Variants in SLC6A17 observed in about 807,000 individuals in gnomAD.
The protein encoded by SLC6A17 is solute carrier family 6 member 17.
In SLC6A17, 21 loss-of-function variants were observed where a neutral mutation model predicts 64.5. The observed-to-expected ratio is 0.33, with a 90% CI of 0.23 to 0.47. The LOEUF is 0.47. Ranked by LOEUF, SLC6A17 falls within the 20% of genes least tolerant of loss-of-function variation. The pLI is 1.00. For missense variants in SLC6A17, 682 were observed against 963.2 expected, an observed-to-expected ratio of 0.71 and a Z score of 3.86; for synonymous variants, 372 against 399.5, an observed-to-expected ratio of 0.93 and a Z score of 0.82.
At chr1:110,155,237 A>G (rs995918625) in intron 1 of SLC6A17, among the ~76,000 whole-genome samples, 2 of 152,170 alleles carry the variant, frequency 1.3e-5, no homozygotes, top group African/African-American at 4.8e-5. Flanking sequence ...TTTTGTGGAG[A>G]TAAGTCCTTT....
intron 5 of SLC6A17, 39 bp downstream of exon 5, chr1:110,174,999 A>G (rs754886223): frequency 3.1e-6 from 5 of 1,594,574 alleles, no homozygotes; most frequent in African/African-American, 1.3e-5. Context: ...CAAATGGGGA[A>G]CAGCAGAAAG....
chr1:110,185,337 A>T (rs1257112204), intron 6 of SLC6A17, among the ~76,000 whole-genome samples: 1 of 152,224 alleles, frequency 6.6e-6, no homozygotes, highest in Non-Finnish European at 1.5e-5. Flanking sequence ...GTTCTTGGGC[A>T]GCGGGAGCCC....
At chr1:110,193,472 C>A (rs942126119) in intron 8 of SLC6A17, among the ~76,000 whole-genome samples, 14 of 152,246 alleles carry the variant, frequency 9.2e-5, no homozygotes, top group African/African-American at 3.4e-4. Context: ...GGGACATACC[C>A]ACAGCATCTT....
In SLC6A17 at chr1:110,162,990, C is replaced by A. The variant is rs544129688; in HGVS notation, c.-87-3853C>A. On this transcript the variant is annotated intron_variant, in intron 1 of 11. Transcript: ENST00000331565. Reference sequence around the variant, plus strand: ...GGGTTGGAACCCAGGCCATCTTACTCCTGAGCAGGATCACCAACCCATGTT... The same window carrying A: ...GGGTTGGAACCCAGGCCATCTTACTACTGAGCAGGATCACCAACCCATGTT... 1.1e-4 allele frequency among the ~76,000 whole-genome samples: 16 copies of A among 145,210 alleles called. No homozygotes were observed. In the South Asian group the frequency reaches 3.5e-3, roughly 32 times the overall value.
At chr1:110,195,330 C>T (rs967372735) in intron 9 of SLC6A17, among the ~76,000 whole-genome samples, 7 of 152,246 alleles carry the variant, frequency 4.6e-5, no homozygotes, top group African/African-American at 1.7e-4. Flanking sequence ...CTGCCACGGG[C>T]CAGGCCCTGT....
At chr1:110,197,220 G>GTCCATCAC (rs1656992796) in intron 10 of SLC6A17, among the ~76,000 whole-genome samples, 1 of 152,194 alleles carries the variant, frequency 6.6e-6, no homozygotes, top group Non-Finnish European at 1.5e-5. Context: ...CTCTGGATGG[G>GTCCATCAC]GTATGATGTG....
intron 9 of SLC6A17, chr1:110,195,026 C>T (rs1269345811): frequency 5.5e-6 from 3 of 541,482 alleles, no homozygotes; most frequent in Non-Finnish European, 6.6e-6. Context: ...TCACTTGCCC[C>T]TCTCCCCAAG....
chr1:110,167,121 C>A lies in SLC6A17; in HGVS notation c.192C>A (p.Asn64Lys). ...ELDAEDRPAW[N>K]SKLQYILAQI... ...ATGCAGAGGACCGGCCGGCCTGGAA[C>A]AGTAAGCTGCAGTACATCCTGGCCC... The change falls in exon 2 of 12, where the codon AAC becomes AAA. Residue 64 changes from asparagine to lysine, a missense_variant. Physicochemically the swap from Asn to Lys is moderately conservative, Grantham distance 94 (BLOSUM62 0). Around this residue, in one of 3 missense-constraint regions of SLC6A17, gnomAD observed 415 missense variants for 603.8 expected, o/e 0.69. Coordinates refer to ENST00000331565, the MANE Select transcript of SLC6A17 (RefSeq NM_001010898.4). The A allele has an allele frequency of 6.2e-7, 1 of 1,613,352 alleles. No homozygotes were observed. The highest frequency in any genetic ancestry group is 1.1e-5 in the South Asian group (1 of 90,976).
chr1:110,197,063 G>A (rs1656988060), intron 10 of SLC6A17, among the ~76,000 whole-genome samples: 1 of 152,198 alleles, frequency 6.6e-6, no homozygotes, highest in South Asian at 2.1e-4. Flanking sequence ...GGACTCTAGA[G>A]AAGTGCACTT....
chr1:110,152,480 T>G (rs1655636684), intron 1 of SLC6A17, among the ~76,000 whole-genome samples: 1 of 152,200 alleles, frequency 6.6e-6, no homozygotes, highest in Non-Finnish European at 1.5e-5. Flanking sequence ...AGGAATGGCC[T>G]GAGCCCAAGT....
At chr1:110,174,686 C>G in intron 4 of SLC6A17, 93 bp from the exon 5 acceptor site, 1 of 1,491,366 alleles carries the variant, frequency 6.7e-7, no homozygotes. Flanking sequence ...CAGCAGCTCC[C>G]TCACCCACTG....
chr1:110,182,423 G>T (rs560627218), intron 6 of SLC6A17, among the ~76,000 whole-genome samples: 2 of 152,254 alleles, frequency 1.3e-5, no homozygotes, highest in East Asian at 3.9e-4. Context: ...TGGATGTATG[G>T]ATCTAGAGGT....
intron 1 of SLC6A17, among the ~76,000 whole-genome samples, chr1:110,158,524 G>T (rs1197406449): frequency 6.6e-6 from 1 of 152,228 alleles, no homozygotes; most frequent in Non-Finnish European, 1.5e-5. Context: ...TTGATGGCAT[G>T]CCCCTGAGGG....
At chr1:110,195,908 A>ATGTTT (rs1656955364) in intron 10 of SLC6A17, among the ~76,000 whole-genome samples, 163 bp downstream of exon 10, 1 of 152,150 alleles carries the variant, frequency 6.6e-6, no homozygotes, top group Non-Finnish European at 1.5e-5. Context: ...GCCTAAGGCC[A>ATGTTT]CTTGTCCAGG....
At chr1:110,168,407 C>T (rs1362187420) in intron 2 of SLC6A17, among the ~76,000 whole-genome samples, 3 of 152,206 alleles carry the variant, frequency 2.0e-5, no homozygotes, top group Non-Finnish European at 4.4e-5. Flanking sequence ...TTTTGAAGGG[C>T]AGGGAGTGAG....
In SLC6A17 at chr1:110,189,286, A is replaced by G. The variant is rs72984731; in HGVS notation, c.865-2686A>G. ...CTAATGTCCTGATCCTCCCTGCCCA[A>G]CACCATCAACCTGTTCCTCTCCCAC... is the stretch of plus-strand genomic sequence containing the variant. On this transcript the variant is annotated intron_variant, in intron 6 of 11. Coordinates refer to ENST00000331565, the MANE Select transcript of SLC6A17 (RefSeq NM_001010898.4). Among the ~76,000 whole-genome samples, 1,317 of 152,244 alleles carry G rather than the reference A, an allele frequency of 8.7e-3. 22 individuals carry two copies. Among genetic ancestry groups the G allele is most frequent in the African/African-American group, 0.03 (1,257 of 41,518 alleles).
In SLC6A17 at chr1:110,174,879, C is replaced by T. The variant is rs1392362352; in HGVS notation, c.672C>T (p.Asn224=). ...SDSISESGGL[N]WKMTLCLLVA... is the part of the protein sequence containing the mutation. ...CCATCTCGGAGAGTGGGGGCCTCAA[C>T]TGGAAGATGACCCTGTGCCTCCTCG... Residue 224 remains asparagine (N), a synonymous_variant, in exon 5 of 12, where the codon AAC becomes AAT. Transcript: ENST00000331565. 15 of 1,614,220 alleles carry T rather than the reference C, an allele frequency of 9.3e-6. No individual in the cohort carries two copies. The highest frequency in any genetic ancestry group is 1.1e-5 in the Non-Finnish European group (13 of 1,180,040).
chr1:110,164,284 G>A (rs1325477081), intron 1 of SLC6A17, among the ~76,000 whole-genome samples: 1 of 152,132 alleles, frequency 6.6e-6, no homozygotes, highest in Non-Finnish European at 1.5e-5. Context: ...TCTTCTCCCT[G>A]TGTCCCCCAC....
chr1:110,192,822 G>T lies in SLC6A17; in HGVS notation c.1299+124G>T. ...GTCATTAGTTTACTTGGTAAGCAAG[G>T]ATCTGCTGTGTGTCCAGAGGGAGTG... On this transcript the variant is annotated intron_variant, in intron 8 of 11. Coordinates refer to ENST00000331565, the MANE Select transcript of SLC6A17 (RefSeq NM_001010898.4). The surrounding 1 kb of genome is among the most constrained non-coding windows in gnomAD (Gnocchi z 4.3). 1 of 1,105,966 alleles carries T rather than the reference G, an allele frequency of 9.0e-7. No individual in the cohort carries two copies. The highest frequency in any genetic ancestry group is 2.8e-5 in the Admixed American group (1 of 35,316). The allele number at this position is 1,105,966 out of a possible 1,614,324, so 68.5% of individuals were successfully genotyped here.
Sources: allele counts gnomAD v4.1 joint callset (sites outside exome capture counted in the v4.1 genomes callset), GRCh38; gene constraint gnomAD v4.1.1; regional missense constraint gnomAD v4.1.1; non-coding constraint Gnocchi (gnomAD v3.1); transcripts MANE v1.5; gene names NCBI Gene and HGNC (gene_info 2026-07-23, HGNC 2026-07-21).